The following CFAP54 variants were observed in gnomAD, a reference collection of about 807,000 sequenced individuals.
The protein encoded by CFAP54 is cilia and flagella associated protein 54.
In CFAP54, 290 loss-of-function variants were observed where a neutral mutation model predicts 370.4. The observed-to-expected ratio is 0.78, with a 90% CI of 0.71 to 0.86. The LOEUF (loss-of-function observed/expected upper bound fraction) is 0.86, where lower values mean the gene tolerates loss of function less well. CFAP54 is among the 40% of genes least tolerant of loss of function. CFAP54 has a pLI of 0.00. For synonymous variants in CFAP54, 1,206 were observed against 1,236.5 expected (o/e 0.98, Z 0.52); for missense variants, 3,399 against 3,528.7 (o/e 0.96, Z 0.93).
chr12:96,537,412 G>T (rs911468551), intron 12 of CFAP54, among the ~76,000 whole-genome samples: 1 of 152,022 alleles, frequency 6.6e-6, no homozygotes, highest in Non-Finnish European at 1.5e-5. Flanking sequence ...TGCAATTTTG[G>T]CTCACCACAA....
At position 96,527,356 on chromosome 12, in the gene CFAP54, A is replaced by G; in HGVS notation, c.1269A>G (p.Ile423Met). 1 of 1,535,890 alleles carries G rather than the reference A, an allele frequency of 6.5e-7. No individual in the cohort carries two copies. Among genetic ancestry groups the G allele is most frequent in the Non-Finnish European group, 8.7e-7 (1 of 1,146,750 alleles). Residue 423 changes from isoleucine (I) to methionine (M), a missense_variant, in exon 9 of 68, where the codon ATA becomes ATG. Around this residue, in one of 3 missense-constraint regions of CFAP54, gnomAD observed 559 missense variants for 576.7 expected, o/e 0.97. Coordinates refer to ENST00000524981, the MANE Select transcript of CFAP54 (RefSeq NM_001306084.2). ...CTCTTTCTGATTCAAATAGGCGAAT[A>G]CTGCAAACTGGACCCATTGTTACAG... The part of the protein sequence containing the change: ...LEALSDSNRR[I>M]LQTGPIVTDE...
Position 96,526,885 on chromosome 12 carries a change from G to GTTTTTTT in CFAP54, c.1159-344_1159-338dup, listed in dbSNP as rs34080505. On this transcript the variant is annotated intron_variant, in intron 8 of 67. Transcript: ENST00000524981. The stretch of plus-strand genomic sequence containing the variant: ...CTTACTTTTCTTTGCCTTATAACAG[G>GTTTTTTT]TTTTTTTTTTTTTTTTTTTTTTTGC... Among the ~76,000 whole-genome samples the GTTTTTTT allele has an allele frequency of 6.6e-4, 64 of 97,700 alleles. 1 individual carries two copies. Among genetic ancestry groups the GTTTTTTT allele is most frequent in the Non-Finnish European group, 8.6e-4 (44 of 51,002 alleles). 64.1% of individuals were successfully genotyped at this position (97,700 alleles called of 152,430 possible). A position where few individuals can be genotyped will look rare whatever the true frequency, so the allele number is the denominator to read the frequency against.
intron 20 of CFAP54, among the ~76,000 whole-genome samples, chr12:96,577,663 G>A (rs1319750777): frequency 6.6e-6 from 1 of 151,808 alleles, no homozygotes; most frequent in Non-Finnish European, 1.5e-5. Flanking sequence ...TTTGGAAAGT[G>A]TGTTTATTGT....
chr12:96,639,727 C>T (rs899920107), intron 32 of CFAP54, among the ~76,000 whole-genome samples: 2 of 152,148 alleles, frequency 1.3e-5, no homozygotes, highest in African/African-American at 4.8e-5. Flanking sequence ...AAAGCTTATC[C>T]ACCATGATCA....
intron 15 of CFAP54, among the ~76,000 whole-genome samples, chr12:96,553,779 AT>A (rs1418440298): frequency 6.6e-6 from 1 of 151,852 alleles, no homozygotes; most frequent in Non-Finnish European, 1.5e-5. Context: ...GATGGACTAA[AT>A]TTCTAGTCTG....
At position 96,625,784 on chromosome 12, in the gene CFAP54, C is replaced by T. The variant is rs192604050; in HGVS notation, c.3953C>T (p.Ser1318Leu). 1.0e-4 allele frequency: 159 copies of T among 1,535,426 alleles called. No individual in the cohort carries two copies. In the East Asian group the frequency reaches 1.3e-3, roughly 13 times the overall value. The stretch of plus-strand genomic sequence containing the variant: ...CTTTATCCTGTAGTTTTGAATTGGT[C>T]GGTCAAAGGTGCCGTGAAAGAAGGT... The part of the protein sequence containing the change: ...IFLYPVVLNW[S>L]VKGAVKEVMK... Residue 1318 changes from serine to leucine, a missense_variant, in exon 29 of 68, where the codon TCG becomes TTG. By Grantham distance (145) the Ser-to-Leu change is moderately radical. Transcript: ENST00000524981.
intron 66 of CFAP54, among the ~76,000 whole-genome samples, chr12:96,841,118 T>G (rs1048136898): frequency 6.6e-6 from 1 of 152,116 alleles, no homozygotes; most frequent in African/African-American, 2.4e-5. Context: ...AATTTGGGGG[T>G]ATAATACTTG....
At chr12:96,541,078 T>C in intron 14 of CFAP54, 91 bp downstream of exon 14, 1 of 728,422 alleles carries the variant, frequency 1.4e-6, no homozygotes, top group African/African-American at 1.8e-5. Context: ...TAATGGAAAC[T>C]AGGCACTTCA....
At chr12:96,711,726 A>G (rs1957616984) in intron 48 of CFAP54, among the ~76,000 whole-genome samples, 1 of 152,248 alleles carries the variant, frequency 6.6e-6, no homozygotes, top group Admixed American at 6.5e-5. Flanking sequence ...AAGCATTAAA[A>G]AACCAATAAT....
intron 66 of CFAP54, among the ~76,000 whole-genome samples, chr12:96,857,649 G>C (rs1319677023): frequency 6.6e-6 from 1 of 152,140 alleles, no homozygotes; most frequent in Non-Finnish European, 1.5e-5. Flanking sequence ...CTGGTGGGAG[G>C]TGATTGGATA....
At chr12:96,861,382 C>T (rs1036116143) in intron 67 of CFAP54, among the ~76,000 whole-genome samples, 1 of 152,172 alleles carries the variant, frequency 6.6e-6, no homozygotes, top group Non-Finnish European at 1.5e-5. Context: ...TCCTACAAGG[C>T]ACAAGACGGC....
rs1456297733 is a variant in CFAP54 at position 96,840,712 on chromosome 12, C to T, written c.9171+11624C>T. ...ACATCTTTCTTCTGTGAGACATTAT[C>T]ATTCTGTCCTCAAGTGAAGAGTATC... On this transcript the variant is annotated intron_variant, in intron 66 of 67. Coordinates refer to ENST00000524981, the MANE Select transcript of CFAP54 (RefSeq NM_001306084.2). 5.4e-5 allele frequency among the ~76,000 whole-genome samples: 8 copies of T among 147,262 alleles called. No homozygotes were observed. In the East Asian group the frequency reaches 1.2e-3, roughly 23 times the overall value.
At position 96,512,923 on chromosome 12, in the gene CFAP54, T is replaced by C. The variant is rs1055273872; in HGVS notation, c.740-63T>C. 7.8e-5 allele frequency: 87 copies of C among 1,108,348 alleles called. No homozygotes were observed. The African/African-American group carries it at 1.1e-3, about 14-fold the overall frequency. The allele number at this position is 1,108,348 out of a possible 1,614,324, so 68.7% of individuals were successfully genotyped here. On this transcript the variant is annotated intron_variant, in intron 4 of 67. Transcript: ENST00000524981. The stretch of plus-strand genomic sequence containing the variant: ...GAACTACAGACTTGAACCACAGAAA[T>C]TGGAATATAAAATTTCTATCATTTG...
Position 96,626,943 on chromosome 12 carries a change from C to G in CFAP54, c.4103+4C>G. ...CTGTCCATGACTTCTTGAAAAGGTA[C>G]TTGCAATTATCAGTGTTATACATGT... is the stretch of plus-strand genomic sequence containing the variant. On this transcript the variant is annotated splice_donor_region_variant and intron_variant, in intron 30 of 67. Transcript: ENST00000524981. 1 of 1,348,392 alleles carries G rather than the reference C, an allele frequency of 7.4e-7. No homozygotes were observed. The highest frequency in any genetic ancestry group is 9.6e-7 in the Non-Finnish European group (1 of 1,042,228). 83.5% of individuals were successfully genotyped at this position (1,348,392 alleles called of 1,614,324 possible).
chr12:96,720,530 T>G lies in CFAP54; in HGVS notation c.6930T>G (p.Ala2310=), dbSNP rs1164968461. Residue 2310 remains alanine, a synonymous_variant, in exon 50 of 68, where the codon GCT becomes GCG. Coordinates refer to ENST00000524981, the MANE Select transcript of CFAP54 (RefSeq NM_001306084.2). The part of the protein sequence containing the change: ...EIVVEARLQL[A]AVALQRHRAA... Reference sequence around the variant, plus strand: ...TGGTGGAGGCCCGGCTTCAGCTGGCTGCAGTTGCTCTGCAGAGGCACCGGG... The same window carrying G: ...TGGTGGAGGCCCGGCTTCAGCTGGCGGCAGTTGCTCTGCAGAGGCACCGGG... 4 of 1,584,520 alleles carry G rather than the reference T, an allele frequency of 2.5e-6. No homozygotes were observed. The highest frequency in any genetic ancestry group is 3.4e-6 in the Non-Finnish European group (4 of 1,162,380).
At chr12:96,771,354 A>C (rs185347430) in intron 60 of CFAP54, among the ~76,000 whole-genome samples, 1 of 152,248 alleles carries the variant, frequency 6.6e-6, no homozygotes, top group African/African-American at 2.4e-5. Context: ...AAATGCCCAC[A>C]TTAAAACCCA....
intron 23 of CFAP54, among the ~76,000 whole-genome samples, chr12:96,591,030 C>G (rs1308764072): frequency 1.3e-5 from 2 of 152,044 alleles, no homozygotes; most frequent in African/African-American, 4.8e-5. Flanking sequence ...GGAATTGAAC[C>G]CTAGGCATTG....
At chr12:96,677,348 T>C (rs1957223371) in intron 39 of CFAP54, among the ~76,000 whole-genome samples, 1 of 152,180 alleles carries the variant, frequency 6.6e-6, no homozygotes, top group Non-Finnish European at 1.5e-5. Context: ...CCACCCAGTC[T>C]ATGGTAATTT....
intron 1 of CFAP54, among the ~76,000 whole-genome samples, chr12:96,496,443 C>G (rs1186825979): frequency 6.6e-6 from 1 of 152,190 alleles, no homozygotes; most frequent in African/African-American, 2.4e-5. Context: ...CAAGGTCCAG[C>G]AGGGTTGGTT....
Sources: gnomAD v4.1 joint callset for allele counts (sites outside exome capture counted in the v4.1 genomes callset) on GRCh38, gnomAD v4.1.1 for gene constraint, gnomAD v4.1.1 regional missense constraint, MANE v1.5 for transcripts, NCBI Gene and HGNC (gene_info 2026-07-23, HGNC 2026-07-21) for gene names.